SMYD3: variants seen among roughly 807,000 people sequenced by gnomAD.
The protein encoded by SMYD3 is histone-lysine N-methyltransferase SMYD3.
A neutral mutation model predicts 57.7 loss-of-function variants in SMYD3; 36 were observed. That is an observed-to-expected ratio of 0.62 (90% confidence interval 0.48 to 0.82). The LOEUF is 0.82. Ranked by LOEUF, SMYD3 falls within the 40% of genes least tolerant of loss-of-function variation. SMYD3 has a pLI of 0.00. For synonymous variants in SMYD3, 211 were observed against 195.0 expected, an observed-to-expected ratio of 1.08 and a Z score of -0.68; for missense variants, 515 against 538.8, an observed-to-expected ratio of 0.96 and a Z score of 0.44.
intron 8 of SMYD3, among the ~76,000 whole-genome samples, chr1:245,891,621 A>G (rs950169092): frequency 1.6e-4 from 24 of 152,246 alleles, no homozygotes; most frequent in Non-Finnish European, 3.1e-4. Context: ...AGGGGTGAAG[A>G]GGACAGCACG....
At chr1:245,903,013 T>C (rs189400910) in intron 8 of SMYD3, among the ~76,000 whole-genome samples, 1 of 152,262 alleles carries the variant, frequency 6.6e-6, no homozygotes, top group Non-Finnish European at 1.5e-5. Context: ...AAATCTATGA[T>C]ATGCTTGAAA....
At chr1:245,766,447 GAAC>G (rs896215893) in intron 10 of SMYD3, among the ~76,000 whole-genome samples, 1 of 149,610 alleles carries the variant, frequency 6.7e-6, no homozygotes, top group Non-Finnish European at 1.5e-5. Flanking sequence ...GCGGAAGGGG[GAAC>G]AACAAAGGAG....
chr1:246,018,479 T>TAAGAACAAGACATTATC (rs2059415629), intron 5 of SMYD3, among the ~76,000 whole-genome samples: 3 of 152,234 alleles, frequency 2.0e-5, no homozygotes, highest in Admixed American at 2.0e-4. Context: ...AGAGAAACAG[T>TAAGAACAAGACATTATC]AAGAACAAGA....
chr1:246,376,569 C>A (rs1421839169), intron 1 of SMYD3, among the ~76,000 whole-genome samples: 1 of 125,602 alleles, frequency 8.0e-6, no homozygotes, highest in Non-Finnish European at 1.6e-5. Flanking sequence ...CCAGCCTGGG[C>A]AACAGTGCGA....
chr1:246,329,916 C>T (rs1338270899), intron 4 of SMYD3, among the ~76,000 whole-genome samples: 1 of 152,092 alleles, frequency 6.6e-6, no homozygotes, highest in African/African-American at 2.4e-5. Context: ...AGGATCTGCG[C>T]CAATACAAAA....
At chr1:246,347,046 C>T (rs1299716558) in intron 2 of SMYD3, among the ~76,000 whole-genome samples, 2 of 151,982 alleles carry the variant, frequency 1.3e-5, no homozygotes, top group African/African-American at 4.8e-5. Flanking sequence ...CCTTTGATAT[C>T]TTATTGGCAG....
In SMYD3 at chr1:246,110,927, A is replaced by T. The variant is rs560779692; in HGVS notation, c.532-180990T>A. Among the ~76,000 whole-genome samples, 15 of 152,238 alleles carry T rather than the reference A, an allele frequency of 9.9e-5. No individual in the cohort carries two copies. The South Asian group carries it at 3.1e-3, about 32-fold the overall frequency. On this transcript the variant is annotated intron_variant, in intron 5 of 11. Transcript: ENST00000490107. ...CCATGTTCATGGTTTAGGATTTTAG[A>T]TATTTCTCATTTAAACTTAGGAGCG...
chr1:245,852,768 T>C (rs2051041826), intron 10 of SMYD3, among the ~76,000 whole-genome samples: 1 of 152,222 alleles, frequency 6.6e-6, no homozygotes, highest in Admixed American at 6.5e-5. Context: ...AAAAGGCTTA[T>C]ATTTAAAAGT....
chr1:246,148,864 G>A (rs1297567450), intron 5 of SMYD3, among the ~76,000 whole-genome samples: 1 of 152,194 alleles, frequency 6.6e-6, no homozygotes, highest in Non-Finnish European at 1.5e-5. Flanking sequence ...TGCCATCAGA[G>A]GACACCAGGG....
intron 5 of SMYD3, among the ~76,000 whole-genome samples, chr1:246,080,777 C>T (rs1360491388): frequency 3.3e-5 from 5 of 152,092 alleles, no homozygotes; most frequent in Non-Finnish European, 5.9e-5. Flanking sequence ...TATCTATCTC[C>T]CCCCTCTAGA....
intron 5 of SMYD3, among the ~76,000 whole-genome samples, chr1:246,041,518 C>T (rs1035446064): frequency 6.6e-6 from 1 of 152,174 alleles, no homozygotes; most frequent in Admixed American, 6.5e-5. Flanking sequence ...AAAGGAAAGT[C>T]TCTGTGTGTG....
intron 1 of SMYD3, among the ~76,000 whole-genome samples, chr1:246,420,419 C>T (rs1481069166): frequency 1.3e-5 from 2 of 152,316 alleles, no homozygotes; most frequent in East Asian, 1.9e-4. Flanking sequence ...ATGTATTAAG[C>T]ACCTACTTCC....
intron 5 of SMYD3, among the ~76,000 whole-genome samples, chr1:246,276,530 G>T (rs1238974940): frequency 6.6e-6 from 1 of 150,380 alleles, no homozygotes; most frequent in African/African-American, 2.5e-5. Flanking sequence ...TTTACTAGCC[G>T]TATTAACACT....
At chr1:246,390,090 A>G (rs2066533936) in intron 1 of SMYD3, among the ~76,000 whole-genome samples, 1 of 151,926 alleles carries the variant, frequency 6.6e-6, no homozygotes, top group South Asian at 2.1e-4. Context: ...TTTGTTCCCT[A>G]ACGCTATAGT....
chr1:246,337,189 T>C (rs1364057896), intron 2 of SMYD3, among the ~76,000 whole-genome samples: 1 of 152,194 alleles, frequency 6.6e-6, no homozygotes, highest in Non-Finnish European at 1.5e-5. Context: ...GCCTAAAATA[T>C]ACATGGTACA....
At chr1:245,953,490 G>A (rs879679324) in intron 5 of SMYD3, 85 of 326,822 alleles carry the variant, frequency 2.6e-4, no homozygotes, top group Middle Eastern at 1.6e-3. Flanking sequence ...GTGTGATCTC[G>A]GCTCACTGCA....
At chr1:246,491,454 C>T (rs942925571) in intron 1 of SMYD3, among the ~76,000 whole-genome samples, 22 of 151,610 alleles carry the variant, frequency 1.5e-4, no homozygotes, top group African/African-American at 5.3e-4. Context: ...GCAGGAGAAT[C>T]GCTTGAACCC....
intron 5 of SMYD3, among the ~76,000 whole-genome samples, chr1:246,273,856 C>T (rs184427765): frequency 2.7e-4 from 41 of 152,208 alleles, no homozygotes; most frequent in East Asian, 9.7e-4. Flanking sequence ...GGATTACAGG[C>T]GTGAACCACT....
At chr1:246,082,832 C>T (rs2060659018) in intron 5 of SMYD3, among the ~76,000 whole-genome samples, 1 of 152,052 alleles carries the variant, frequency 6.6e-6, no homozygotes, top group African/African-American at 2.4e-5. Flanking sequence ...CCCTGTGCTC[C>T]CTGAAACATG....
Sources: allele counts gnomAD v4.1 joint callset (sites outside exome capture counted in the v4.1 genomes callset), GRCh38; gene constraint gnomAD v4.1.1; transcripts MANE v1.5; gene names NCBI Gene and HGNC (gene_info 2026-07-23, HGNC 2026-07-21).